Variants in SEMA6D observed in about 807,000 individuals in gnomAD.
SEMA6D encodes the protein semaphorin-6D.
Under a neutral mutation model 106.6 loss-of-function variants are expected in SEMA6D, and 35 were observed. The ratio of observed to expected loss-of-function variants is 0.33; its 90% confidence interval spans 0.25 to 0.44. The LOEUF (loss-of-function observed/expected upper bound fraction) is 0.44, where lower values mean the gene tolerates loss of function less well. Ranked by LOEUF, SEMA6D falls within the 20% of genes least tolerant of loss-of-function variation. SEMA6D has a pLI of 1.00. For synonymous variants in SEMA6D, 499 were observed against 487.7 expected (o/e 1.02, Z -0.31); for missense variants, 1,185 against 1,345.9 (o/e 0.88, Z 1.87).
chr15:47,315,034 T>G (rs1433234990), intron 1 of SEMA6D, among the ~76,000 whole-genome samples: 1 of 150,660 alleles, frequency 6.6e-6, no homozygotes, highest in Non-Finnish European at 1.5e-5. Flanking sequence ...CCCGGCTAAT[T>G]TTTTTGTATT....
At chr15:47,337,183 T>C (rs1406294570) in intron 1 of SEMA6D, among the ~76,000 whole-genome samples, 1 of 152,118 alleles carries the variant, frequency 6.6e-6, no homozygotes, top group Non-Finnish European at 1.5e-5. Flanking sequence ...CCCCATGTGC[T>C]CTCTTAAGGC....
At chr15:47,367,707 CACACACACACACACACACACAG>C (rs2039105710) in intron 1 of SEMA6D, among the ~76,000 whole-genome samples, 3 of 146,610 alleles carry the variant, frequency 2.0e-5, no homozygotes, top group African/African-American at 8.2e-5. Context: ...CACACACACA[CACACACACACACACACACACAG>C]AGAGAGAGAA....
intron 1 of SEMA6D, among the ~76,000 whole-genome samples, chr15:47,746,548 C>T (rs771020991): frequency 1.3e-5 from 2 of 152,168 alleles, no homozygotes; most frequent in African/African-American, 2.4e-5. Context: ...TATGGCTACA[C>T]GGTGGTTGCA....
At chr15:47,766,775 C>T (rs2147872737) in intron 16 of SEMA6D, 98 bp downstream of exon 16, 5 of 817,136 alleles carry the variant, frequency 6.1e-6, no homozygotes, top group Middle Eastern at 2.3e-4. Context: ...ACTCAGGACA[C>T]ATACCACCTA....
intron 2 of SEMA6D, among the ~76,000 whole-genome samples, chr15:47,452,320 C>CAAA (rs145049200): frequency 8.7e-6 from 1 of 114,726 alleles, no homozygotes. Context: ...GTTTATCAAC[C>CAAA]AAAAAAAAAA....
At chr15:47,419,056 G>A (rs1315691094) in intron 2 of SEMA6D, among the ~76,000 whole-genome samples, 1 of 152,244 alleles carries the variant, frequency 6.6e-6, no homozygotes, top group Non-Finnish European at 1.5e-5. Flanking sequence ...GGAAAGGAGA[G>A]AAGAGGGAAG....
intron 3 of SEMA6D, among the ~76,000 whole-genome samples, chr15:47,552,102 G>A (rs2045713060): frequency 2.0e-5 from 3 of 152,160 alleles, no homozygotes; most frequent in Non-Finnish European, 4.4e-5. Context: ...TGAAATACTA[G>A]AAACCATCTA....
chr15:47,232,288 A>G (rs1181394349), intron 1 of SEMA6D, among the ~76,000 whole-genome samples: 3 of 152,138 alleles, frequency 2.0e-5, no homozygotes, highest in Admixed American at 1.3e-4. Flanking sequence ...TTTTGGCAAC[A>G]ATGAATAGTG....
At chr15:47,395,384 G>C (rs1183966963) in intron 1 of SEMA6D, among the ~76,000 whole-genome samples, 1 of 152,138 alleles carries the variant, frequency 6.6e-6, no homozygotes, top group Admixed American at 6.5e-5. Context: ...CTAATCCTAT[G>C]GAACAGAGCA....
At chr15:47,399,555 G>A (rs1383662450) in intron 1 of SEMA6D, 2 of 152,174 alleles carry the variant, frequency 1.3e-5, no homozygotes, top group Non-Finnish European at 2.9e-5. Context: ...AATAAAAGAG[G>A]ATTTGCTTTT....
intron 1 of SEMA6D, among the ~76,000 whole-genome samples, chr15:47,387,920 G>A (rs2039896242): frequency 6.6e-6 from 1 of 152,170 alleles, no homozygotes; most frequent in African/African-American, 2.4e-5. Flanking sequence ...TTTTTATAAA[G>A]TACTAAGAAT....
intron 4 of SEMA6D, among the ~76,000 whole-genome samples, chr15:47,704,838 T>A (rs574680966): frequency 3.3e-5 from 5 of 152,372 alleles, no homozygotes; most frequent in African/African-American, 1.2e-4. Flanking sequence ...GATTCTTGTA[T>A]TTTACCAGTA....
rs1312931401 is a variant in SEMA6D, at chr15:47,207,989, GCGCGCACACA to G, written c.-239+23573_-239+23582del. Among the ~76,000 whole-genome samples the G allele has an allele frequency of 9.6e-4, 60 of 62,320 alleles. 1 individual carries two copies. The highest frequency in any genetic ancestry group is 4.6e-3 in the Admixed American group (22 of 4,808). 40.9% of individuals were successfully genotyped at this position (62,320 alleles called of 152,430 possible). On this transcript the variant is annotated intron_variant, in intron 1 of 19. Coordinates refer to the SEMA6D transcript ENST00000558014. ...AAACAGGTACAGTAGCCACTGGCGC[GCGCGCACACA>G]CACACACACACACACACACACACAC...
intron 1 of SEMA6D, among the ~76,000 whole-genome samples, chr15:47,738,876 C>T (rs1181067360): frequency 6.6e-6 from 1 of 152,168 alleles, no homozygotes; most frequent in African/African-American, 2.4e-5. Flanking sequence ...GTCTAAGGTG[C>T]TCATTCTCAT....
chr15:47,258,445 T>C (rs1040238792), intron 1 of SEMA6D, among the ~76,000 whole-genome samples: 1 of 152,188 alleles, frequency 6.6e-6, no homozygotes, highest in East Asian at 1.9e-4. Flanking sequence ...ATACTTGTCA[T>C]GTGTACAGGC....
chr15:47,396,286 A>T (rs1440192671), intron 1 of SEMA6D: 3 of 147,958 alleles, frequency 2.0e-5, no homozygotes, highest in Non-Finnish European at 4.5e-5. Flanking sequence ...CTCTAAAGGG[A>T]CAGATTTAAC....
intron 1 of SEMA6D, among the ~76,000 whole-genome samples, chr15:47,753,006 C>CAA (rs35829736): frequency 7.1e-6 from 1 of 141,062 alleles, no homozygotes; most frequent in Admixed American, 7.0e-5. Flanking sequence ...AAGACACTGT[C>CAA]AAAAAAAAAA....
At position 47,763,083 on chromosome 15, in the gene SEMA6D, C is replaced by T. The variant is rs141276774; in HGVS notation, c.726C>T (p.Val242=). 2.4e-5 allele frequency: 39 copies of T among 1,611,914 alleles called. No homozygotes were observed. The highest frequency in any genetic ancestry group is 1.6e-4 in the Middle Eastern group (1 of 6,072). Residue 242 remains valine, a synonymous_variant, in exon 9 of 19, where the codon GTC becomes GTT. Coordinates refer to ENST00000536845, the MANE Select transcript of SEMA6D (RefSeq NM_001358351.3). ...YVYFFFREIA[V]EHNNLGKAVY... ...ATTTCTTCTTTCGAGAAATCGCTGT[C>T]GAACATAATAATTTAGGCAAGGCAA... is the stretch of plus-strand genomic sequence containing the variant.
Position 47,764,178 on chromosome 15 carries a change from C to T in SEMA6D, c.970C>T (p.Pro324Ser). Residue 324 changes from proline (P) to serine (S), a missense_variant, in exon 11 of 19, where the codon CCT (proline) becomes TCT (serine). Transcript: ENST00000536845. ...GATGATTTTCTTCCTTTTCAGCATC[C>T]CTGGTTCTGCTGTCTGTGCATTTAG... ...GVFTTQLNSI[P>S]GSAVCAFSMD... 3 of 1,613,440 alleles carry T rather than the reference C, an allele frequency of 1.9e-6. No individual in the cohort carries two copies. The highest frequency in any genetic ancestry group is 2.5e-6 in the Non-Finnish European group (3 of 1,179,660).
Sources: allele counts gnomAD v4.1 joint callset (sites outside exome capture counted in the v4.1 genomes callset), GRCh38; gene constraint gnomAD v4.1.1; transcripts MANE v1.5; gene names NCBI Gene and HGNC (gene_info 2026-07-23, HGNC 2026-07-21).